ZDHHC17: variants seen among roughly 807,000 people sequenced by gnomAD.
ZDHHC17 encodes the protein palmitoyltransferase ZDHHC17.
In ZDHHC17, 40 loss-of-function variants were observed where a neutral mutation model predicts 90.3. That is an observed-to-expected ratio of 0.44 (90% CI 0.34 to 0.58). The LOEUF (loss-of-function observed/expected upper bound fraction) is 0.58. Ranked by LOEUF, ZDHHC17 falls within the 20% of genes least tolerant of loss-of-function variation. The pLI is 0.01. For synonymous variants in ZDHHC17, 235 were observed against 252.4 expected (o/e 0.93, Z 0.65); for missense variants, 614 against 780.8 (o/e 0.79, Z 2.55).
At chr12:76,789,980 T>A (rs868661469) in intron 1 of ZDHHC17, among the ~76,000 whole-genome samples, 1 of 152,144 alleles carries the variant, frequency 6.6e-6, no homozygotes, top group Non-Finnish European at 1.5e-5. Context: ...CAAAAACTAA[T>A]GAACTCTGCA....
At chr12:76,829,127 C>G (rs982055750) in intron 10 of ZDHHC17, among the ~76,000 whole-genome samples, 2 of 152,060 alleles carry the variant, frequency 1.3e-5, no homozygotes, top group African/African-American at 4.8e-5. Context: ...AGTACAACCT[C>G]TATGGAAAAC....
chr12:76,808,957 GA>G, intron 3 of ZDHHC17, 85 bp from the exon 4 acceptor site: 1 of 766,680 alleles, frequency 1.3e-6, no homozygotes, highest in South Asian at 3.6e-5. Context: ...ATCTGAAATA[GA>G]AAACATGTAT....
At chr12:76,787,699 A>G (rs1952706619) in intron 1 of ZDHHC17, among the ~76,000 whole-genome samples, 1 of 152,096 alleles carries the variant, frequency 6.6e-6, no homozygotes, top group Non-Finnish European at 1.5e-5. Context: ...CAGTATTCAA[A>G]GGTATCTAAA....
chr12:76,850,245 G>A (rs1953547147), intron 16 of ZDHHC17, among the ~76,000 whole-genome samples: 1 of 152,094 alleles, frequency 6.6e-6, no homozygotes, highest in African/African-American at 2.4e-5. Context: ...CTTTTCTAAA[G>A]GTGTTACTGG....
At chr12:76,809,149 T>A in intron 4 of ZDHHC17, 29 bp downstream of exon 4, 1 of 1,486,654 alleles carries the variant, frequency 6.7e-7, no homozygotes, top group Non-Finnish European at 9.0e-7. Flanking sequence ...ATTTTTTTCC[T>A]TTGGTTCCTT....
Position 76,797,436 on chromosome 12 carries a change from A to G in ZDHHC17, c.96A>G (p.Glu32=). ...GTGTGTGATTTTCTTTTTAACAGGA[A>G]ATCAAACCCCAAAGCCATTATAACC... The part of the protein sequence containing the change: ...AGCVPLLHPE[E]IKPQSHYNHG... The change falls in exon 2 of 17, where the codon GAA becomes GAG. Residue 32 remains glutamate (E), a splice_region_variant and synonymous_variant. Coordinates refer to ENST00000426126, the MANE Select transcript of ZDHHC17 (RefSeq NM_015336.4). 6.3e-7 allele frequency: 1 copy of G among 1,592,560 alleles called. No homozygotes were observed. The highest frequency in any genetic ancestry group is 8.5e-7 in the Non-Finnish European group (1 of 1,172,406).
chr12:76,781,839 A>G (rs1952630475), intron 1 of ZDHHC17, among the ~76,000 whole-genome samples: 1 of 152,256 alleles, frequency 6.6e-6, no homozygotes, highest in South Asian at 2.1e-4. Context: ...AGCTACATGT[A>G]TCAGCACAGA....
At chr12:76,813,264 TAAGG>T in intron 5 of ZDHHC17, 1 of 406,660 alleles carries the variant, frequency 2.5e-6, no homozygotes, top group South Asian at 1.8e-5. Flanking sequence ...ATATAAGAAA[TAAGG>T]AAGTTTGTTG....
At chr12:76,766,718 A>T (rs1434931976) in intron 1 of ZDHHC17, among the ~76,000 whole-genome samples, 2 of 152,142 alleles carry the variant, frequency 1.3e-5, no homozygotes, top group African/African-American at 2.4e-5. Flanking sequence ...CTTCAGTTGT[A>T]ATCAGAAAAT....
At chr12:76,830,821 C>T (rs1953291066) in intron 10 of ZDHHC17, among the ~76,000 whole-genome samples, 1 of 152,024 alleles carries the variant, frequency 6.6e-6, no homozygotes, top group Admixed American at 6.5e-5. Flanking sequence ...CAGTAACTTA[C>T]CAAATAATGA....
intron 8 of ZDHHC17, among the ~76,000 whole-genome samples, chr12:76,822,819 C>T (rs1174306719): frequency 6.6e-6 from 1 of 151,946 alleles, no homozygotes; most frequent in African/African-American, 2.4e-5. Context: ...CCCACCTCGG[C>T]CTCCCAAAGT....
At chr12:76,781,192 A>G (rs1952621615) in intron 1 of ZDHHC17, among the ~76,000 whole-genome samples, 1 of 152,098 alleles carries the variant, frequency 6.6e-6, no homozygotes, top group Admixed American at 6.6e-5. Context: ...GAACTCACAC[A>G]TTGCTAGTGA....
At chr12:76,768,351 G>C (rs902683291) in intron 1 of ZDHHC17, among the ~76,000 whole-genome samples, 3 of 152,176 alleles carry the variant, frequency 2.0e-5, no homozygotes, top group African/African-American at 7.2e-5. Flanking sequence ...AGCTAGACTA[G>C]ATGACCTCTA....
intron 13 of ZDHHC17, 81 bp downstream of exon 13, chr12:76,845,883 C>A: frequency 2.7e-6 from 2 of 748,426 alleles, no homozygotes; most frequent in Non-Finnish European, 2.2e-6. Context: ...TTAAAGTAGG[C>A]AATAGAAAGT....
intron 8 of ZDHHC17, among the ~76,000 whole-genome samples, chr12:76,826,194 G>A (rs914013414): frequency 6.6e-6 from 1 of 152,124 alleles, no homozygotes; most frequent in African/African-American, 2.4e-5. Flanking sequence ...TTTGTGAAGG[G>A]CTCTTACATG....
intron 10 of ZDHHC17, among the ~76,000 whole-genome samples, chr12:76,828,809 T>G (rs930326770): frequency 3.3e-5 from 5 of 152,172 alleles, no homozygotes; most frequent in African/African-American, 1.2e-4. Context: ...TTGTTCCATA[T>G]TTTTTATTTT....
intron 1 of ZDHHC17, among the ~76,000 whole-genome samples, chr12:76,790,412 G>A (rs985722436): frequency 6.6e-6 from 1 of 152,138 alleles, no homozygotes; most frequent in African/African-American, 2.4e-5. Context: ...TGAGGCAGGA[G>A]AATCAGTTGA....
In ZDHHC17 at chr12:76,851,022, G is replaced by C; in HGVS notation, c.*37G>C. The C allele has an allele frequency of 6.2e-7, 1 of 1,611,812 alleles. No individual in the cohort carries two copies. The highest frequency in any genetic ancestry group is 8.5e-7 in the Non-Finnish European group (1 of 1,179,090). ...CCTATGAAGCATATTGCTGAGTGGT[G>C]CCTGAAAATTGTGTCTGTCCGTGTC... On this transcript the variant is annotated 3_prime_UTR_variant, in exon 17 of 17. Transcript: ENST00000426126.
intron 14 of ZDHHC17, 34 bp from the exon 15 acceptor site, chr12:76,848,199 T>C: frequency 1.2e-6 from 2 of 1,610,298 alleles, no homozygotes; most frequent in Non-Finnish European, 1.7e-6. Context: ...GGATGATTAT[T>C]GAGTAAATAC....
Sources: allele counts gnomAD v4.1 joint callset (sites outside exome capture counted in the v4.1 genomes callset), GRCh38; gene constraint gnomAD v4.1.1; transcripts MANE v1.5; gene names NCBI Gene and HGNC (gene_info 2026-07-23, HGNC 2026-07-21).